PTPRT: variants seen among roughly 807,000 people sequenced by gnomAD.
PTPRT encodes the protein protein tyrosine phosphatase receptor type T.
A neutral mutation model predicts 176.8 loss-of-function variants in PTPRT; 56 were observed. The observed-to-expected ratio is 0.32, with a 90% confidence interval of 0.26 to 0.40. The LOEUF is 0.40. Ranked by LOEUF, PTPRT falls within the 10% of genes least tolerant of loss-of-function variation. PTPRT has a pLI of 1.00. For synonymous variants in PTPRT, 783 were observed against 739.0 expected, an observed-to-expected ratio of 1.06 and a Z score of -0.96; for missense variants, 1,540 against 1,908.2, an observed-to-expected ratio of 0.81 and a Z score of 3.60.
chr20:42,678,345 G>A (rs1307598174), intron 6 of PTPRT, among the ~76,000 whole-genome samples, 186 bp from the exon 7 acceptor site: 2 of 152,090 alleles, frequency 1.3e-5, no homozygotes, highest in African/African-American at 4.8e-5. Flanking sequence ...CTGTCATTCA[G>A]GCTGGAGTGC....
At chr20:42,854,691 C>G (rs1281688117) in intron 2 of PTPRT, among the ~76,000 whole-genome samples, 2 of 152,218 alleles carry the variant, frequency 1.3e-5, no homozygotes, top group African/African-American at 4.8e-5. Context: ...TCTGAAATCT[C>G]TAAGCATTGC....
intron 23 of PTPRT, among the ~76,000 whole-genome samples, chr20:42,107,571 G>T (rs1182135055): frequency 6.6e-6 from 1 of 152,206 alleles, no homozygotes; most frequent in African/African-American, 2.4e-5. Flanking sequence ...AACTCAACGA[G>T]ACTCTATGGG....
chr20:42,315,975 C>T lies in PTPRT; in HGVS notation c.1887G>A (p.Lys629=). 1.2e-6 allele frequency: 2 copies of T among 1,614,056 alleles called. No homozygotes were observed. The highest frequency in any genetic ancestry group is 1.7e-4 in the Middle Eastern group (1 of 6,060). Reference sequence around the variant, plus strand: ...TCCGTGACTTCTGAAGTCGCTCCTCCTTGACAACCAGCTGATAAACACTGG... The same window carrying T: ...TCCGTGACTTCTGAAGTCGCTCCTCTTTGACAACCAGCTGATAAACACTGG... ...APVSVYQLVV[K]EERLQKSRRA... Residue 629 remains lysine (K), a synonymous_variant, in exon 12 of 31, where the codon AAG becomes AAA. Coordinates refer to ENST00000373187, the MANE Select transcript of PTPRT (RefSeq NM_007050.6).
At position 42,945,627 on chromosome 20, in the gene PTPRT, C is replaced by T. The variant is rs73907421; in HGVS notation, c.89-59695G>A. On this transcript the variant is annotated intron_variant, in intron 1 of 30. Coordinates refer to ENST00000373187, the MANE Select transcript of PTPRT (RefSeq NM_007050.6). ...GGAAGGGCCCCTCCTCCCATGTCAC[C>T]GGGGTCACTGCCCCTTGTGCTGGAC... 4.1e-3 allele frequency among the ~76,000 whole-genome samples: 623 copies of T among 152,304 alleles called. 2 individuals are homozygous for T. The highest frequency in any genetic ancestry group is 0.014 in the African/African-American group (584 of 41,568).
intron 6 of PTPRT, chr20:42,685,539 A>T (rs1352536885): frequency 6.6e-6 from 1 of 152,136 alleles, no homozygotes; most frequent in Non-Finnish European, 1.5e-5. Flanking sequence ...AAAAACAAGC[A>T]ATTTCATTAT....
chr20:43,052,799 C>A (rs1413837124), intron 1 of PTPRT, among the ~76,000 whole-genome samples: 1 of 152,178 alleles, frequency 6.6e-6, no homozygotes, highest in Non-Finnish European at 1.5e-5. Flanking sequence ...TTCAATCTCC[C>A]CAAATGCTCC....
rs556508880 is a variant in PTPRT at position 43,114,283 on chromosome 20, T to C, written c.88+75363A>G. Among the ~76,000 whole-genome samples the C allele has an allele frequency of 3.9e-4, 59 of 152,286 alleles. No homozygotes were observed. The South Asian group carries it at 0.012, about 31-fold the overall frequency. ...AGACTTAGTACATGAAGAGGCTATA[T>C]GTGTAATGGTTTAGAAAACGAATTC... On this transcript the variant is annotated intron_variant, in intron 1 of 30. Coordinates refer to ENST00000373187, the MANE Select transcript of PTPRT (RefSeq NM_007050.6).
At chr20:42,980,401 G>A (rs1198765313) in intron 1 of PTPRT, among the ~76,000 whole-genome samples, 8 of 152,152 alleles carry the variant, frequency 5.3e-5, no homozygotes, top group South Asian at 2.1e-4. Context: ...ACTTGTATTC[G>A]TGACCCCTTC....
intron 7 of PTPRT, among the ~76,000 whole-genome samples, chr20:42,500,026 T>C (rs935196097): frequency 6.6e-6 from 1 of 152,168 alleles, no homozygotes; most frequent in African/African-American, 2.4e-5. Flanking sequence ...GTTCTGTTTG[T>C]AATTTGAGTT....
chr20:42,676,885 T>C (rs1411253385), intron 7 of PTPRT, among the ~76,000 whole-genome samples: 1 of 152,160 alleles, frequency 6.6e-6, no homozygotes, highest in Non-Finnish European at 1.5e-5. Context: ...TGATTAGAAA[T>C]GCAGTAGAAG....
At chr20:43,122,463 T>C (rs986435534) in intron 1 of PTPRT, among the ~76,000 whole-genome samples, 3 of 152,178 alleles carry the variant, frequency 2.0e-5, no homozygotes, top group Non-Finnish European at 4.4e-5. Context: ...GTTTGGGTGT[T>C]TGTCCCTTCC....
At chr20:42,202,977 C>T (rs1991511909) in intron 15 of PTPRT, among the ~76,000 whole-genome samples, 1 of 151,952 alleles carries the variant, frequency 6.6e-6, no homozygotes, top group Non-Finnish European at 1.5e-5. Flanking sequence ...CTAAGCATCC[C>T]CAAAACACAT....
chr20:42,998,282 CA>C (rs1174852570), intron 1 of PTPRT, among the ~76,000 whole-genome samples: 2 of 152,060 alleles, frequency 1.3e-5, no homozygotes, highest in Admixed American at 1.3e-4. Flanking sequence ...ATTCAATTAC[CA>C]TAAAGTTTTT....
intron 6 of PTPRT, among the ~76,000 whole-genome samples, chr20:42,710,564 T>G (rs1276142873): frequency 5.9e-5 from 9 of 152,368 alleles, no homozygotes; most frequent in African/African-American, 2.2e-4. Context: ...ATACATCCTC[T>G]GAAATCTAGG....
At chr20:42,783,548 T>A (rs553140060) in intron 3 of PTPRT, among the ~76,000 whole-genome samples, 1 of 152,070 alleles carries the variant, frequency 6.6e-6, no homozygotes, top group Non-Finnish European at 1.5e-5. Context: ...AGGGAGATGA[T>A]CACTCCATCA....
intron 1 of PTPRT, among the ~76,000 whole-genome samples, chr20:43,136,414 G>T (rs1381364064): frequency 6.6e-6 from 1 of 152,174 alleles, no homozygotes; most frequent in East Asian, 1.9e-4. Flanking sequence ...ACTGAATCAT[G>T]TTTTCCGCCC....
rs560834656 is a variant in PTPRT at position 42,397,223 on chromosome 20, C to T, written c.1561-44938G>A. On this transcript the variant is annotated intron_variant, in intron 9 of 30. Transcript: ENST00000373187. The stretch of plus-strand genomic sequence containing the variant: ...TGAAAATATTGCGTTAATTAAAATG[C>T]ACACAGGTTATAAACAATTTTTTGT... 4.6e-5 allele frequency among the ~76,000 whole-genome samples: 7 copies of T among 152,294 alleles called. No homozygotes were observed. The East Asian group carries it at 1.3e-3, about 29-fold the overall frequency.
chr20:42,565,596 T>C lies in PTPRT; in HGVS notation c.1154-93034A>G, dbSNP rs146855471. Among the ~76,000 whole-genome samples, 6 of 152,126 alleles carry C rather than the reference T, an allele frequency of 3.9e-5. No homozygotes were observed. In the East Asian group the frequency reaches 1.2e-3, roughly 29 times the overall value. On this transcript the variant is annotated intron_variant, in intron 7 of 30. Transcript: ENST00000373187. ...GCTCTTTTCAGGTAGAATGAACGAATTTGGGGAAAAGCCTAACTTTTAAAT... is the reference window on the plus strand; with the variant it reads ...GCTCTTTTCAGGTAGAATGAACGAACTTGGGGAAAAGCCTAACTTTTAAAT...
intron 7 of PTPRT, among the ~76,000 whole-genome samples, chr20:42,521,780 T>G (rs1439236227): frequency 6.6e-6 from 1 of 152,206 alleles, no homozygotes; most frequent in Non-Finnish European, 1.5e-5. Flanking sequence ...TACTTGAGTA[T>G]AATAAATATA....
Sources: gnomAD v4.1 joint callset for allele counts (sites outside exome capture counted in the v4.1 genomes callset) on GRCh38, gnomAD v4.1.1 for gene constraint, MANE v1.5 for transcripts, NCBI Gene and HGNC (gene_info 2026-07-23, HGNC 2026-07-21) for gene names.